The following SLC38A4 variants were observed in gnomAD, a reference collection of about 807,000 sequenced individuals.
The protein encoded by SLC38A4 is sodium-coupled neutral amino acid transporter 4.
SLC38A4 carries 20 observed loss-of-function variants against 63.1 expected under a neutral mutation model. The ratio of observed to expected loss-of-function variants is 0.32; its 90% CI spans 0.22 to 0.46. The LOEUF (loss-of-function observed/expected upper bound fraction) is 0.46, where lower values mean the gene tolerates loss of function less well. SLC38A4 is among the 20% of genes least tolerant of loss of function. The pLI is 1.00. For missense variants in SLC38A4, 526 were observed against 663.6 expected (o/e 0.79, Z 2.28); for synonymous variants, 230 against 225.5 (o/e 1.02, Z -0.18).
intron 2 of SLC38A4, among the ~76,000 whole-genome samples, chr12:46,796,969 G>C (rs1232906773): frequency 1.3e-5 from 2 of 152,060 alleles, no homozygotes; most frequent in South Asian, 2.1e-4. Context: ...TTTTCTCTTA[G>C]ATTTTCCAAC....
chr12:46,791,973 G>A (rs2120827380), intron 3 of SLC38A4, among the ~76,000 whole-genome samples: 1 of 152,130 alleles, frequency 6.6e-6, no homozygotes, highest in Non-Finnish European at 1.5e-5. Flanking sequence ...AGGACAGGAG[G>A]GGCAGGTCAA....
chr12:46,785,077 A>G (rs1938730197), intron 6 of SLC38A4, 27 bp downstream of exon 6: 3 of 1,522,600 alleles, frequency 2.0e-6, no homozygotes, highest in Non-Finnish European at 2.7e-6. Flanking sequence ...TTAAAATAGA[A>G]TGTGTTGGAC....
intron 1 of SLC38A4, among the ~76,000 whole-genome samples, chr12:46,815,284 T>TATATAC (rs1555173035): frequency 9.4e-4 from 78 of 82,926 alleles, no homozygotes; most frequent in East Asian, 3.4e-3. Context: ...TATATATATA[T>TATATAC]ACACACACAC....
chr12:46,824,365 G>T (rs1005976947), intron 1 of SLC38A4: 1 of 152,066 alleles, frequency 6.6e-6, no homozygotes, highest in African/African-American at 2.4e-5. Flanking sequence ...AATGAAGATG[G>T]AGTGTATACA....
At chr12:46,800,624 C>T (rs1939112468) in intron 2 of SLC38A4, among the ~76,000 whole-genome samples, 1 of 152,056 alleles carries the variant, frequency 6.6e-6, no homozygotes, top group African/African-American at 2.4e-5. Flanking sequence ...AGATCTGCCA[C>T]TATATGCTCT....
Position 46,778,667 on chromosome 12 carries a change from T to C in SLC38A4, c.827A>G (p.Asn276Ser). The change falls in exon 11 of 17, where the codon AAC (asparagine) becomes AGC (serine). Residue 276 changes from asparagine to serine, a missense_variant. Transcript: ENST00000266579. ...TLPMHVVMLP[N>S]NSESSDVNFM... ...GTTCACATCAGAACTCTCAGAGTTG[T>C]TGGGTAACATTACCACATGCATTGG... The C allele has an allele frequency of 6.2e-7, 1 of 1,613,042 alleles. No homozygotes were observed. Among genetic ancestry groups the C allele is most frequent in the African/African-American group, 1.3e-5 (1 of 74,936 alleles).
intron 7 of SLC38A4, among the ~76,000 whole-genome samples, chr12:46,781,388 T>A (rs996185579): frequency 6.6e-6 from 1 of 152,076 alleles, no homozygotes; most frequent in Non-Finnish European, 1.5e-5. Context: ...ACAGGAGATA[T>A]TTCTGATTAG....
chr12:46,771,300 A>C (rs1256970497), intron 14 of SLC38A4, among the ~76,000 whole-genome samples: 1 of 152,114 alleles, frequency 6.6e-6, no homozygotes, highest in Non-Finnish European at 1.5e-5. Flanking sequence ...CAGAGGACTT[A>C]ATTTGTTTCA....
intron 4 of SLC38A4, 132 bp downstream of exon 4, chr12:46,788,396 A>C: frequency 1.4e-6 from 1 of 697,940 alleles, no homozygotes. Flanking sequence ...TTATTCCAGT[A>C]AGAGCCTGAA....
intron 2 of SLC38A4, among the ~76,000 whole-genome samples, chr12:46,802,769 T>C (rs1441569186): frequency 7.9e-5 from 12 of 152,066 alleles, no homozygotes; most frequent in Admixed American, 7.2e-4. Flanking sequence ...ATTCTTCCAC[T>C]GAGTTACAAA....
intron 1 of SLC38A4, among the ~76,000 whole-genome samples, chr12:46,812,993 CAATT>C (rs1939370021): frequency 6.6e-6 from 1 of 151,898 alleles, no homozygotes. Flanking sequence ...TGTTTTTAAT[CAATT>C]AGTCAATTAA....
intron 14 of SLC38A4, among the ~76,000 whole-genome samples, chr12:46,769,776 C>T (rs1413741510): frequency 6.6e-6 from 1 of 152,084 alleles, no homozygotes; most frequent in Non-Finnish European, 1.5e-5. Flanking sequence ...GGTACCTCCA[C>T]TATTCAGTAC....
chr12:46,824,285 C>A (rs1378773068), intron 1 of SLC38A4: 2 of 152,174 alleles, frequency 1.3e-5, no homozygotes, highest in Admixed American at 1.3e-4. Context: ...AGATTTTATA[C>A]CTTATTGTCT....
chr12:46,785,289 A>G, intron 5 of SLC38A4, 112 bp from the exon 6 acceptor site: 2 of 843,084 alleles, frequency 2.4e-6, no homozygotes, highest in Non-Finnish European at 3.8e-6. Context: ...CAGCTTTCCA[A>G]AAGTATGTGG....
At chr12:46,830,004 T>C (rs1479627779), upstream of SLC38A4, among the ~76,000 whole-genome samples, 2 of 152,190 alleles carry the variant, frequency 1.3e-5, no homozygotes, top group East Asian at 1.9e-4. Flanking sequence ...TTCCTACATA[T>C]GTGTGAGCCG....
intron 1 of SLC38A4, among the ~76,000 whole-genome samples, chr12:46,820,044 T>C (rs746014718): frequency 3.9e-5 from 6 of 152,012 alleles, no homozygotes; most frequent in Non-Finnish European, 7.4e-5. Flanking sequence ...GTATGACTGA[T>C]ATAAAACAAA....
chr12:46,816,114 C>T (rs1164599393), intron 1 of SLC38A4, among the ~76,000 whole-genome samples: 2 of 151,780 alleles, frequency 1.3e-5, no homozygotes, highest in Non-Finnish European at 2.9e-5. Flanking sequence ...ATAAAGAAAA[C>T]TTTTTCTTTT....
intron 1 of SLC38A4, among the ~76,000 whole-genome samples, chr12:46,817,619 A>G (rs1053940745): frequency 6.6e-6 from 1 of 151,872 alleles, no homozygotes; most frequent in African/African-American, 2.4e-5. Context: ...CTGAAGCCCC[A>G]GGAGCCTCTT....
rs1459034014 is a variant in SLC38A4 at position 46,788,572 on chromosome 12, C to T, written c.166G>A (p.Gly56Arg). Residue 56 changes from glycine (G) to arginine (R), a missense_variant, in exon 4 of 17, where the codon GGA (glycine) becomes AGA (arginine). Gly to Arg is a moderately radical substitution (Grantham distance 125). Transcript: ENST00000266579. ...GCCAGCTTCTTTTTCCCCAAAAATC[C>T]ATTTGTCAGGAATTTCTGACTTTCA... is the stretch of plus-strand genomic sequence containing the variant. ...DTESQKFLTN[G>R]FLGKKKLADY... 6 of 1,613,678 alleles carry T rather than the reference C, an allele frequency of 3.7e-6. No individual in the cohort carries two copies. Among genetic ancestry groups the T allele is most frequent in the South Asian group, 1.1e-5 (1 of 91,070 alleles).
Sources: allele counts gnomAD v4.1 joint callset (sites outside exome capture counted in the v4.1 genomes callset), GRCh38; gene constraint gnomAD v4.1.1; transcripts MANE v1.5; gene names NCBI Gene and HGNC (gene_info 2026-07-23, HGNC 2026-07-21).